The following PSD3 variants were observed in gnomAD, a reference collection of about 807,000 sequenced individuals.
The protein encoded by PSD3 is pleckstrin and Sec7 domain containing 3.
A neutral mutation model predicts 105.5 loss-of-function variants in PSD3; 49 were observed. The observed-to-expected ratio is 0.46, with a 90% confidence interval of 0.37 to 0.59. The LOEUF (loss-of-function observed/expected upper bound fraction) is 0.59. Ranked by LOEUF, PSD3 falls within the 20% of genes least tolerant of loss-of-function variation. The pLI, the probability that PSD3 is intolerant of heterozygous loss-of-function variation, is 0.00. For synonymous variants in PSD3, 557 were observed against 457.8 expected, an observed-to-expected ratio of 1.22 and a Z score of -2.77; for missense variants, 1,561 against 1,263.8, an observed-to-expected ratio of 1.24 and a Z score of -3.57.
chr8:18,624,943 C>A (rs1040168055), intron 11 of PSD3, among the ~76,000 whole-genome samples: 16 of 151,656 alleles, frequency 1.1e-4, no homozygotes, highest in Middle Eastern at 3.4e-3. Context: ...GCTATGTTGC[C>A]CAGGCTGGTC....
At chr8:18,705,391 T>TGTGGTGTC (rs1361248207) in intron 9 of PSD3, among the ~76,000 whole-genome samples, 1 of 151,414 alleles carries the variant, frequency 6.6e-6, no homozygotes, top group Non-Finnish European at 1.5e-5. Context: ...ATTAGCTGGG[T>TGTGGTGTC]GTGGTGTCGT....
chr8:18,577,075 G>A (rs192667795), intron 12 of PSD3, among the ~76,000 whole-genome samples: 108 of 151,958 alleles, frequency 7.1e-4, no homozygotes, highest in African/African-American at 2.4e-3. Context: ...CTCTGAGTAT[G>A]GGTTACACTG....
At chr8:18,916,345 TATATAC>T (rs1563416931) in intron 2 of PSD3, among the ~76,000 whole-genome samples, 8 of 50,238 alleles carry the variant, frequency 1.6e-4, no homozygotes, top group Non-Finnish European at 2.2e-4. Context: ...TATATATATA[TATATAC>T]ACACACACAC....
At chr8:18,765,644 A>G in intron 8 of PSD3, 106 bp from the exon 9 acceptor site, 1 of 1,016,824 alleles carries the variant, frequency 9.8e-7, no homozygotes, top group Non-Finnish European at 1.5e-6. Context: ...AAACATAACT[A>G]GGCCAGGTGC....
intron 1 of PSD3, among the ~76,000 whole-genome samples, chr8:19,044,422 T>C (rs1181309650): frequency 6.6e-6 from 1 of 152,204 alleles, no homozygotes; most frequent in Non-Finnish European, 1.5e-5. Flanking sequence ...TCTTCCTTAA[T>C]TAGTCTAAAT....
intron 9 of PSD3, among the ~76,000 whole-genome samples, chr8:18,744,895 G>A (rs1804881238): frequency 6.6e-6 from 1 of 152,076 alleles, no homozygotes; most frequent in Non-Finnish European, 1.5e-5. Context: ...GTATTCCCTT[G>A]TCTTTTATGA....
chr8:18,872,095 C>A lies in PSD3; in HGVS notation c.769G>T (p.Ala257Ser), dbSNP rs912430411. 1.2e-6 allele frequency: 2 copies of A among 1,614,128 alleles called. No homozygotes were observed. The highest frequency in any genetic ancestry group is 1.7e-6 in the Non-Finnish European group (2 of 1,180,014). ...CTGCCTGCAGAGTGGCAGGTCACTG[C>A]TGAGCTCCCGAGGGAGGCCAAAGGA... ...SCPLASLGSS[A>S]VTCHSAGSVG... The change falls in exon 3 of 16, where the codon GCA (alanine) becomes TCA (serine). Residue 257 changes from alanine (A) to serine (S), a missense_variant. Physicochemically the swap from Ala to Ser is moderately conservative, Grantham distance 99. Coordinates refer to ENST00000327040, the MANE Select transcript of PSD3 (RefSeq NM_015310.4).
chr8:18,690,726 C>T (rs1290974221), intron 9 of PSD3, among the ~76,000 whole-genome samples: 2 of 152,230 alleles, frequency 1.3e-5, no homozygotes, highest in Non-Finnish European at 2.9e-5. Flanking sequence ...AGAATAAACA[C>T]TTGGCCCACA....
intron 12 of PSD3, among the ~76,000 whole-genome samples, chr8:18,599,495 C>G (rs977085420): frequency 1.3e-5 from 2 of 152,144 alleles, no homozygotes; most frequent in Non-Finnish European, 2.9e-5. Context: ...TAAGTGTCCA[C>G]TGAACGATGA....
At chr8:18,620,184 C>T (rs1204980383) in intron 11 of PSD3, among the ~76,000 whole-genome samples, 1 of 152,164 alleles carries the variant, frequency 6.6e-6, no homozygotes, top group Non-Finnish European at 1.5e-5. Flanking sequence ...GACTTGTAAG[C>T]CCCCATTTCA....
At chr8:18,761,768 C>T (rs1806559019) in intron 9 of PSD3, among the ~76,000 whole-genome samples, 1 of 152,194 alleles carries the variant, frequency 6.6e-6, no homozygotes, top group African/African-American at 2.4e-5. Context: ...CTTCCATTGT[C>T]CCCAAGGATG....
At chr8:18,567,369 T>A (rs1166960419) in intron 14 of PSD3, among the ~76,000 whole-genome samples, 2 of 152,182 alleles carry the variant, frequency 1.3e-5, no homozygotes, top group East Asian at 3.8e-4. Flanking sequence ...GTATGCTGCT[T>A]ATGTTAAGTA....
chr8:18,620,154 C>T (rs368870648), intron 11 of PSD3, among the ~76,000 whole-genome samples: 1 of 152,164 alleles, frequency 6.6e-6, no homozygotes, highest in Admixed American at 6.5e-5. Flanking sequence ...ATAACTCAAC[C>T]ATCCCTAAAA....
At chr8:18,546,412 G>A (rs1018544502) in intron 15 of PSD3, among the ~76,000 whole-genome samples, 1 of 152,130 alleles carries the variant, frequency 6.6e-6, no homozygotes, top group African/African-American at 2.4e-5. Context: ...TTGGTAAAGC[G>A]CCTTCCAACC....
At chr8:18,551,941 G>A (rs554725417) in intron 15 of PSD3, among the ~76,000 whole-genome samples, 1 of 152,294 alleles carries the variant, frequency 6.6e-6, no homozygotes, top group East Asian at 1.9e-4. Flanking sequence ...TCAGGGACCA[G>A]AGCAATGACA....
At chr8:18,636,363 G>C (rs1053454023) in intron 10 of PSD3, among the ~76,000 whole-genome samples, 1 of 152,156 alleles carries the variant, frequency 6.6e-6, no homozygotes, top group African/African-American at 2.4e-5. Context: ...TTTTTGTACA[G>C]CTGTATAATG....
intron 11 of PSD3, among the ~76,000 whole-genome samples, chr8:18,603,783 T>G (rs1331129107): frequency 3.9e-5 from 6 of 152,152 alleles, no homozygotes; most frequent in Non-Finnish European, 8.8e-5. Context: ...TGTTTAAAAG[T>G]GTGTAGCACC....
chr8:18,936,798 A>G (rs1822168195), intron 1 of PSD3, among the ~76,000 whole-genome samples: 2 of 152,050 alleles, frequency 1.3e-5, no homozygotes, highest in South Asian at 4.1e-4. Context: ...TTTTAAACAC[A>G]TCATTTTCCA....
intron 1 of PSD3, among the ~76,000 whole-genome samples, chr8:19,083,242 G>A (rs1829699421): frequency 6.6e-6 from 1 of 152,194 alleles, no homozygotes; most frequent in African/African-American, 2.4e-5. Flanking sequence ...TGCCCACACT[G>A]TGAGAAAAGA....
Sources: gnomAD v4.1 joint callset for allele counts (sites outside exome capture counted in the v4.1 genomes callset) on GRCh38, gnomAD v4.1.1 for gene constraint, MANE v1.5 for transcripts, NCBI Gene and HGNC (gene_info 2026-07-23, HGNC 2026-07-21) for gene names.